SPINK5: variants seen among roughly 807,000 people sequenced by gnomAD.
SPINK5 encodes serine protease inhibitor Kazal-type 5.
In SPINK5, 125 loss-of-function variants were observed where a neutral mutation model predicts 151.8. That is an observed-to-expected ratio of 0.82 (90% CI 0.71 to 0.96). The LOEUF (loss-of-function observed/expected upper bound fraction) is 0.96, where lower values mean the gene tolerates loss of function less well. Among genes scored for constraint, SPINK5 ranks in the 40% least tolerant of loss-of-function variants. SPINK5 has a pLI of 0.00. For synonymous variants in SPINK5, 374 were observed against 395.3 expected (o/e 0.95, Z 0.64); for missense variants, 1,194 against 1,291.9 (o/e 0.92, Z 1.16).
chr5:148,091,738 A>G (rs2113078692), intron 8 of SPINK5, among the ~76,000 whole-genome samples: 1 of 151,134 alleles, frequency 6.6e-6, no homozygotes, highest in Admixed American at 6.6e-5. Context: ...GTTCAGAAAA[A>G]CCTGCATTTA....
rs759255682 is a variant in SPINK5, at chr5:148,114,361, G to A, written c.1888-1G>A. ...GCTTTCTCCTTTTCTTTTCCTTTTA[G>A]GAGACATGCGATGAATTTCGGAGAC... On this transcript the variant is annotated splice_acceptor_variant, in intron 20 of 32. Coordinates refer to ENST00000256084, the MANE Select transcript of SPINK5 (RefSeq NM_006846.4). LOFTEE classifies it high-confidence loss of function. The A allele has an allele frequency of 1.4e-5, 22 of 1,609,796 alleles. No homozygotes were observed. The highest frequency in any genetic ancestry group is 1.8e-5 in the Non-Finnish European group (21 of 1,178,082).
Position 148,114,473 on chromosome 5 carries a change from A to T in SPINK5, c.1999A>T (p.Met667Leu), listed in dbSNP as rs370317811. 6.2e-7 allele frequency: 1 copy of T among 1,613,574 alleles called. No homozygotes were observed. The highest frequency in any genetic ancestry group is 8.5e-7 in the Non-Finnish European group (1 of 1,179,616). ...CAAGACCCATGGCAACAAGTGTGCC[A>T]TGTGTAAGGCAGTCTTGTGAGTGCA... ...DGKTHGNKCAMCKAVFQKENE... is the reference protein window; with the variant it reads ...DGKTHGNKCALCKAVFQKENE... Residue 667 changes from methionine (M) to leucine (L), a missense_variant, in exon 21 of 33, where the codon ATG (methionine) becomes TTG (leucine). Physicochemically the swap from Met to Leu is conservative, Grantham distance 15. Coordinates refer to ENST00000256084, the MANE Select transcript of SPINK5 (RefSeq NM_006846.4).
intron 30 of SPINK5, among the ~76,000 whole-genome samples, chr5:148,129,936 A>G (rs1754531723): frequency 6.6e-6 from 1 of 152,264 alleles, no homozygotes; most frequent in East Asian, 1.9e-4. Context: ...TACAGCTCAT[A>G]TAGTGATGAC....
intron 21 of SPINK5, among the ~76,000 whole-genome samples, chr5:148,115,306 C>G (rs1349449761): frequency 6.6e-6 from 1 of 152,132 alleles, no homozygotes; most frequent in Non-Finnish European, 1.5e-5. Flanking sequence ...CCAACTTTAT[C>G]AACCTTGAAT....
intron 1 of SPINK5, among the ~76,000 whole-genome samples, chr5:148,065,132 G>A (rs1296801784): frequency 6.6e-6 from 1 of 152,076 alleles, no homozygotes; most frequent in Non-Finnish European, 1.5e-5. Context: ...GTAACTTTCT[G>A]AGTGATTAGA....
At position 148,067,379 on chromosome 5, in the gene SPINK5, G is replaced by A. The variant is rs375961891; in HGVS notation, c.81+2007G>A. ...CAGTAACAAAACAAAACAAAAACAG[G>A]CCAGGGACTGGAAGTTACCCTGCAA... On this transcript the variant is annotated intron_variant, in intron 2 of 32. Transcript: ENST00000256084. 4.6e-5 allele frequency among the ~76,000 whole-genome samples: 7 copies of A among 152,156 alleles called. No individual in the cohort carries two copies. The East Asian group carries it at 1.4e-3, about 29-fold the overall frequency.
chr5:148,092,320 C>G (rs1753332942), intron 8 of SPINK5, among the ~76,000 whole-genome samples: 1 of 151,902 alleles, frequency 6.6e-6, no homozygotes, highest in African/African-American at 2.4e-5. Context: ...TTTAGGAAAA[C>G]TAAGTATTCA....
At position 148,123,925 on chromosome 5, in the gene SPINK5, G is replaced by A; in HGVS notation, c.2631G>A (p.Met877Ile). Residue 877 changes from methionine to isoleucine, a missense_variant, in exon 27 of 33, where the codon ATG becomes ATA. Physicochemically the swap from Met to Ile is conservative, Grantham distance 10. Coordinates refer to ENST00000256084, the MANE Select transcript of SPINK5 (RefSeq NM_006846.4). ...CTGTTCGAGGCCCATATGGCAAGAT[G>A]CACATCAATAAATGTGCTATGTGTC... is the stretch of plus-strand genomic sequence containing the variant. Reference protein sequence around the residue: ...NNPVRGPYGKMHINKCAMCQS... With the variant: ...NNPVRGPYGKIHINKCAMCQS... 1 of 1,614,008 alleles carries A rather than the reference G, an allele frequency of 6.2e-7. No individual in the cohort carries two copies. The highest frequency in any genetic ancestry group is 8.5e-7 in the Non-Finnish European group (1 of 1,179,968).
chr5:148,119,128 G>A (rs745499580), intron 24 of SPINK5, 70 bp downstream of exon 24: 41 of 1,445,068 alleles, frequency 2.8e-5, no homozygotes, highest in Non-Finnish European at 3.9e-5. Context: ...CAAAACTATA[G>A]AAGAAGGTGT....
intron 12 of SPINK5, among the ~76,000 whole-genome samples, chr5:148,099,529 A>G (rs1231061277): frequency 1.3e-5 from 2 of 151,932 alleles, no homozygotes; most frequent in African/African-American, 4.8e-5. Context: ...ATTGTTTAAA[A>G]GCTGAAAAAC....
In SPINK5 at chr5:148,137,222, A is replaced by C; in HGVS notation, c.*231A>C. 1 of 597,336 alleles carries C rather than the reference A, an allele frequency of 1.7e-6. No individual in the cohort carries two copies. The highest frequency in any genetic ancestry group is 3.0e-6 in the Non-Finnish European group (1 of 337,272). The allele number at this position is 597,336 out of a possible 1,614,324, so 37.0% of individuals were successfully genotyped here. On this transcript the variant is annotated 3_prime_UTR_variant, in exon 33 of 33. Transcript: ENST00000256084. ...ATCTCCACCAAGTCTGAGCCCTCAA[A>C]ATGTCCTGATTACAATGCTGTCTGT... is the stretch of plus-strand genomic sequence containing the variant.
At chr5:148,123,521 G>GTATATATATATATATATATA (rs1159209367) in intron 26 of SPINK5, among the ~76,000 whole-genome samples, 1 of 25,016 alleles carries the variant, frequency 4.0e-5, no homozygotes, top group African/African-American at 8.0e-5. Flanking sequence ...CAATATATGT[G>GTATATATATATATATATATA]TATATATATA....
intron 17 of SPINK5, 147 bp from the exon 18 acceptor site, chr5:148,108,606 A>C: frequency 8.7e-7 from 1 of 1,145,818 alleles, no homozygotes; most frequent in Non-Finnish European, 1.2e-6. Flanking sequence ...ACTATTGGTT[A>C]AAGCAAAAGC....
chr5:148,092,698 C>T (rs1047299935), intron 8 of SPINK5, among the ~76,000 whole-genome samples: 2 of 151,932 alleles, frequency 1.3e-5, no homozygotes, highest in South Asian at 2.1e-4. Flanking sequence ...GTTTCTTTTA[C>T]GAGAATCATT....
Position 148,123,858 on chromosome 5 carries a change from T to C in SPINK5, c.2564T>C (p.Met855Thr), listed in dbSNP as rs765056653. Reference protein sequence around the residue: ...KEDLCREFRSMQRNGKLICTR... With the variant: ...KEDLCREFRSTQRNGKLICTR... Reference sequence around the variant, plus strand: ...GATCTGTGTCGTGAATTTCGAAGCATGCAGAGAAATGGAAAGCTTATCTGC... The same window carrying C: ...GATCTGTGTCGTGAATTTCGAAGCACGCAGAGAAATGGAAAGCTTATCTGC... The change falls in exon 27 of 33, where the codon ATG (methionine) becomes ACG (threonine). Residue 855 changes from methionine to threonine, a missense_variant. Physicochemically the swap from Met to Thr is moderately conservative, Grantham distance 81 (BLOSUM62 -1). Transcript: ENST00000256084. The C allele has an allele frequency of 3.0e-5, 49 of 1,613,886 alleles. No individual in the cohort carries two copies. The highest frequency in any genetic ancestry group is 4.5e-5 in the East Asian group (2 of 44,864).
intron 2 of SPINK5, among the ~76,000 whole-genome samples, chr5:148,066,877 G>T (rs951726840): frequency 2.0e-5 from 3 of 152,054 alleles, no homozygotes; most frequent in Non-Finnish European, 2.9e-5. Flanking sequence ...CTTATATTTG[G>T]TATTAAAGGC....
At position 148,123,911 on chromosome 5, in the gene SPINK5, C is replaced by G. The variant is rs368173332; in HGVS notation, c.2617C>G (p.Pro873Ala). The G allele has an allele frequency of 2.5e-6, 4 of 1,613,690 alleles. No individual in the cohort carries two copies. The African/African-American group carries it at 5.3e-5, about 22-fold the overall frequency. Residue 873 changes from proline (P) to alanine (A), a missense_variant, in exon 27 of 33, where the codon CCA becomes GCA. Physicochemically the swap from Pro to Ala is conservative, Grantham distance 27. Transcript: ENST00000256084. ...CTRENNPVRGPYGKMHINKCA... is the reference protein window; with the variant it reads ...CTRENNPVRGAYGKMHINKCA... ...CAGAGAAAATAACCCTGTTCGAGGC[C>G]CATATGGCAAGATGCACATCAATAA... is the stretch of plus-strand genomic sequence containing the variant.
At chr5:148,119,238 A>G (rs528946633) in intron 24 of SPINK5, among the ~76,000 whole-genome samples, 180 bp downstream of exon 24, 4 of 152,292 alleles carry the variant, frequency 2.6e-5, no homozygotes, top group South Asian at 2.1e-4. Flanking sequence ...CCTAATGCCA[A>G]GTGGACATCT....
intron 4 of SPINK5, among the ~76,000 whole-genome samples, chr5:148,085,105 G>A (rs921636734): frequency 6.6e-6 from 1 of 151,592 alleles, no homozygotes; most frequent in Non-Finnish European, 1.5e-5. Flanking sequence ...TAACTTATAT[G>A]GCCACTGCTT....
Sources: gnomAD v4.1 joint callset for allele counts (sites outside exome capture counted in the v4.1 genomes callset) on GRCh38, gnomAD v4.1.1 for gene constraint, MANE v1.5 for transcripts, NCBI Gene and HGNC (gene_info 2026-07-23, HGNC 2026-07-21) for gene names.